SUSD6: variants seen among roughly 807,000 people sequenced by gnomAD.
SUSD6 encodes the protein sushi domain containing 6.
In SUSD6, 16 loss-of-function variants were observed where a neutral mutation model predicts 28.4. The ratio of observed to expected loss-of-function variants is 0.56; its 90% CI spans 0.38 to 0.86. The LOEUF is 0.86. Among genes scored for constraint, SUSD6 ranks in the 40% least tolerant of loss-of-function variants. The pLI is 0.00. For synonymous variants in SUSD6, 147 were observed against 159.6 expected (o/e 0.92, Z 0.59); for missense variants, 341 against 384.2 (o/e 0.89, Z 0.94).
chr14:69,708,674 C>T lies in SUSD6; in HGVS notation c.459-3C>T. ...TCCTTTGTCTTTTCCTCCTCCACTC[C>T]AGGCGTGACCAGGGGGTATCTGGGG... On this transcript the variant is annotated splice_region_variant and splice_polypyrimidine_tract_variant and intron_variant, in intron 4 of 5. Coordinates refer to ENST00000342745, the MANE Select transcript of SUSD6 (RefSeq NM_014734.4). 6.4e-7 allele frequency: 1 copy of T among 1,552,572 alleles called. No individual in the cohort carries two copies. The highest frequency in any genetic ancestry group is 8.7e-7 in the Non-Finnish European group (1 of 1,147,978).
chr14:69,678,139 C>A (rs2139628776), intron 2 of SUSD6, among the ~76,000 whole-genome samples: 1 of 151,490 alleles, frequency 6.6e-6, no homozygotes, highest in South Asian at 2.1e-4. Flanking sequence ...CCTGCTTCAA[C>A]AGTGTTTGGA....
intron 1 of SUSD6, among the ~76,000 whole-genome samples, chr14:69,645,284 G>A (rs1175039596): frequency 6.6e-6 from 1 of 152,188 alleles, no homozygotes; most frequent in Non-Finnish European, 1.5e-5. Context: ...TGACTAGAAA[G>A]GAGGGAAATG....
At chr14:69,629,883 C>T (rs9805962) in intron 1 of SUSD6, among the ~76,000 whole-genome samples, 6,111 of 152,280 alleles carry the variant, frequency 0.04, 437 homozygotes, top group African/African-American at 0.14. Context: ...GGGCAAACAG[C>T]TCCCACGGTC....
chr14:69,683,729 G>A (rs1173330193), intron 2 of SUSD6, among the ~76,000 whole-genome samples: 1 of 152,222 alleles, frequency 6.6e-6, no homozygotes, highest in African/African-American at 2.4e-5. Flanking sequence ...GAAAGTGGCA[G>A]CCTTTGGACG....
chr14:69,621,462 G>A (rs1595029864), intron 1 of SUSD6, among the ~76,000 whole-genome samples: 2 of 152,190 alleles, frequency 1.3e-5, no homozygotes, highest in Admixed American at 1.3e-4. Flanking sequence ...GGAGAGAGAG[G>A]GTATTAGAGG....
chr14:69,613,471 A>T (rs867900942), intron 1 of SUSD6, among the ~76,000 whole-genome samples: 16 of 152,362 alleles, frequency 1.1e-4, no homozygotes, highest in South Asian at 1.0e-3. Flanking sequence ...TCTCCTGGGT[A>T]CACACTTACG....
At chr14:69,693,139 G>A (rs999983773) in intron 2 of SUSD6, among the ~76,000 whole-genome samples, 2 of 152,200 alleles carry the variant, frequency 1.3e-5, no homozygotes, top group African/African-American at 4.8e-5. Context: ...GACAGCTGTG[G>A]GCTCTGCTCT....
chr14:69,629,465 G>A (rs1005502103), intron 1 of SUSD6, among the ~76,000 whole-genome samples: 2 of 152,164 alleles, frequency 1.3e-5, no homozygotes, highest in Non-Finnish European at 1.5e-5. Context: ...CACCTCCGTG[G>A]ATTACCATTT....
intron 1 of SUSD6, among the ~76,000 whole-genome samples, chr14:69,654,496 CT>C (rs1375917855): frequency 6.6e-6 from 1 of 152,166 alleles, no homozygotes; most frequent in East Asian, 1.9e-4. Context: ...CTAGATGACC[CT>C]TGTGCTGAGC....
At chr14:69,655,883 A>G (rs1200913792) in intron 1 of SUSD6, among the ~76,000 whole-genome samples, 1 of 151,988 alleles carries the variant, frequency 6.6e-6, no homozygotes, top group Admixed American at 6.6e-5. Flanking sequence ...CTGTCCCCTC[A>G]CACCCCACCA....
At chr14:69,615,679 A>T (rs1884949485) in intron 1 of SUSD6, 2 of 152,184 alleles carry the variant, frequency 1.3e-5, no homozygotes, top group African/African-American at 4.8e-5. Flanking sequence ...AAGGCTTGGG[A>T]CAGTTAAGCG....
At chr14:69,633,458 C>T (rs1005300914) in intron 1 of SUSD6, among the ~76,000 whole-genome samples, 8 of 152,246 alleles carry the variant, frequency 5.3e-5, no homozygotes, top group African/African-American at 1.9e-4. Flanking sequence ...CATTCCTGCC[C>T]CAGAAGGAAT....
At chr14:69,656,236 C>G (rs527284056) in intron 1 of SUSD6, among the ~76,000 whole-genome samples, 43 of 147,610 alleles carry the variant, frequency 2.9e-4, no homozygotes, top group African/African-American at 1.0e-3. Flanking sequence ...ATCACCTCCT[C>G]TAGGCAGTCT....
intron 5 of SUSD6, among the ~76,000 whole-genome samples, chr14:69,710,461 T>G (rs1226699345): frequency 6.6e-6 from 1 of 152,188 alleles, no homozygotes; most frequent in African/African-American, 2.4e-5. Context: ...CAAGACACAT[T>G]AAGTCAGTAA....
intron 2 of SUSD6, among the ~76,000 whole-genome samples, chr14:69,686,821 CT>C (rs1377515370): frequency 2.0e-5 from 3 of 151,938 alleles, no homozygotes; most frequent in Non-Finnish European, 4.4e-5. Context: ...ATTATGGGAG[CT>C]ACAAGATGTG....
intron 1 of SUSD6, among the ~76,000 whole-genome samples, chr14:69,657,044 C>T (rs901272408): frequency 6.6e-6 from 1 of 152,200 alleles, no homozygotes; most frequent in African/African-American, 2.4e-5. Flanking sequence ...TGTTCATGAA[C>T]CTTTGACAAT....
chr14:69,635,921 A>T (rs1885259653), intron 1 of SUSD6, among the ~76,000 whole-genome samples: 1 of 152,238 alleles, frequency 6.6e-6, no homozygotes. Context: ...ATTTCTGATT[A>T]TTAGGCTGTT....
chr14:69,667,899 G>A (rs1435863188), intron 2 of SUSD6, among the ~76,000 whole-genome samples: 3 of 152,306 alleles, frequency 2.0e-5, no homozygotes, highest in Middle Eastern at 3.4e-3. Flanking sequence ...TGAACACAGA[G>A]ACAAAATCCT....
At chr14:69,688,436 G>A (rs542343084) in intron 2 of SUSD6, among the ~76,000 whole-genome samples, 13 of 152,312 alleles carry the variant, frequency 8.5e-5, no homozygotes, top group African/African-American at 2.9e-4. Context: ...CATTCAGCTT[G>A]TGCATAGAGG....
Sources: gnomAD v4.1 joint callset for allele counts (sites outside exome capture counted in the v4.1 genomes callset) on GRCh38, gnomAD v4.1.1 for gene constraint, MANE v1.5 for transcripts, NCBI Gene and HGNC (gene_info 2026-07-23, HGNC 2026-07-21) for gene names.